Variants in TXNL4A observed in about 807,000 individuals in gnomAD.
TXNL4A encodes the protein thioredoxin like 4A.
TXNL4A carries 17 observed loss-of-function variants against 14.6 expected under a neutral mutation model. The observed-to-expected ratio is 1.16, with a 90% CI of 0.80 to 1.74. The LOEUF (loss-of-function observed/expected upper bound fraction) is 1.74. Ranked by LOEUF, TXNL4A falls within the 40% of genes most tolerant of loss-of-function variation. The pLI is 0.00. For synonymous variants in TXNL4A, 83 were observed against 70.6 expected (o/e 1.18, Z -0.88); for missense variants, 74 against 195.2 (o/e 0.38, Z 3.70).
chr18:79,992,876 T>TAAA (rs59567705), upstream of TXNL4A, among the ~76,000 whole-genome samples: 21,571 of 78,346 alleles, frequency 0.28, 4,396 homozygotes, highest in Non-Finnish European at 0.36. Flanking sequence ...TCATCTTATG[T>TAAA]AAAAAAAAAA....
At chr18:79,997,852 G>A (rs2051672898) in intron 1 of TXNL4A, among the ~76,000 whole-genome samples, 1 of 152,208 alleles carries the variant, frequency 6.6e-6, no homozygotes. Flanking sequence ...AGCGATGCTT[G>A]CTGCAAGTTA....
rs2051473345 is a variant in TXNL4A at position 79,982,109 on chromosome 18, G to A, written c.154-4408C>T. The stretch of plus-strand genomic sequence containing the variant: ...AACCCACAGGAGACGGGGCGGCAGT[G>A]TGGTCACGGGGTGGCAGGGAAATAT... On this transcript the variant is annotated intron_variant, in intron 1 of 2. Transcript: ENST00000269601. This position sits in a 1 kb window ranked among gnomAD's most constrained non-coding sequence, Gnocchi z 4.0. Among the ~76,000 whole-genome samples, 1 of 152,220 alleles carries A rather than the reference G, an allele frequency of 6.6e-6. No homozygotes were observed. The highest frequency in any genetic ancestry group is 2.4e-5 in the African/African-American group (1 of 41,444).
intron 1 of TXNL4A, among the ~76,000 whole-genome samples, chr18:80,033,484 A>T (rs374530451): frequency 2.0e-5 from 3 of 152,288 alleles, no homozygotes; most frequent in African/African-American, 7.2e-5. Flanking sequence ...GAGGACGCCC[A>T]ATCTGGGGAC....
chr18:80,015,494 A>G, intron 1 of TXNL4A, among the ~76,000 whole-genome samples: 1 of 151,580 alleles, frequency 6.6e-6, no homozygotes, highest in Non-Finnish European at 1.5e-5. Flanking sequence ...TATATCTCCT[A>G]ATGCTATCCC....
intron 1 of TXNL4A, among the ~76,000 whole-genome samples, chr18:80,029,321 C>T (rs1599759163): frequency 6.6e-6 from 1 of 152,112 alleles, no homozygotes; most frequent in East Asian, 1.9e-4. Flanking sequence ...AAAGGAAAGT[C>T]GCCCAGGGTC....
At position 79,988,418 on chromosome 18, in the gene TXNL4A, C is replaced by A; in HGVS notation, c.-26G>T. On this transcript the variant is annotated 5_prime_UTR_variant, in exon 1 of 3. Transcript: ENST00000269601. ...GGCGGCCCGCGCGCTCGCCGCCGCC[C>A]AAGGCGGGGCGCCAGGGAGGGCCCA... is the stretch of plus-strand genomic sequence containing the variant. 1.4e-6 allele frequency: 2 copies of A among 1,410,244 alleles called. No homozygotes were observed. The highest frequency in any genetic ancestry group is 1.9e-6 in the Non-Finnish European group (2 of 1,061,744). The allele number at this position is 1,410,244 out of a possible 1,614,324, so 87.4% of individuals were successfully genotyped here. A position where few individuals can be genotyped will look rare whatever the true frequency, so the allele number is the denominator to read the frequency against.
rs991919560 is a variant in TXNL4A, at chr18:79,973,745, G to A, written c.369C>T (p.Ala123=). Residue 123 remains alanine (A), a synonymous_variant, in exon 3 of 3, where the codon GCC becomes GCT. Transcript: ENST00000269601. Reference sequence around the variant, plus strand: ...ACACCACCAGGCCGCGGCCTTTGCGGGCCCCGCGGTACACCGTCTCGATGA... The same window carrying A: ...ACACCACCAGGCCGCGGCCTTTGCGAGCCCCGCGGTACACCGTCTCGATGA... ...VDIIETVYRG[A]RKGRGLVVSP... 1 of 1,614,048 alleles carries A rather than the reference G, an allele frequency of 6.2e-7. No individual in the cohort carries two copies. The highest frequency in any genetic ancestry group is 1.3e-5 in the African/African-American group (1 of 74,928).
intron 1 of TXNL4A, among the ~76,000 whole-genome samples, chr18:79,984,801 C>T (rs554908502): frequency 4.6e-5 from 7 of 152,226 alleles, no homozygotes; most frequent in East Asian, 3.9e-4. Context: ...ACTCTATTTG[C>T]GTGGGCTTTT....
At chr18:79,986,251 GT>G (rs1247482377) in intron 1 of TXNL4A, among the ~76,000 whole-genome samples, 1 of 152,120 alleles carries the variant, frequency 6.6e-6, no homozygotes, top group Non-Finnish European at 1.5e-5. Flanking sequence ...GTCCAGGCTG[GT>G]CTCGAATCCC....
At chr18:79,975,704 A>G (rs565618534) in intron 2 of TXNL4A, among the ~76,000 whole-genome samples, 282 of 152,338 alleles carry the variant, frequency 1.9e-3, no homozygotes, top group Non-Finnish European at 3.0e-3. Context: ...GGAAACGGAG[A>G]AAAGGGGACC....
intron 1 of TXNL4A, among the ~76,000 whole-genome samples, chr18:80,021,737 G>C (rs1448739153): frequency 6.6e-6 from 1 of 152,194 alleles, no homozygotes; most frequent in Non-Finnish European, 1.5e-5. Flanking sequence ...AGAAGGTTTT[G>C]TGCTTTTAAT....
At chr18:79,981,566 G>C (rs1288603903) in intron 1 of TXNL4A, among the ~76,000 whole-genome samples, 1 of 152,184 alleles carries the variant, frequency 6.6e-6, no homozygotes, top group Non-Finnish European at 1.5e-5. Context: ...CAGCTACTTG[G>C]GAGGCTGAGG....
chr18:79,978,611 C>A (rs1214602523), intron 1 of TXNL4A, among the ~76,000 whole-genome samples: 1 of 150,470 alleles, frequency 6.6e-6, no homozygotes, highest in Non-Finnish European at 1.5e-5. Context: ...CTCCCATCTC[C>A]GCCTCCCAAG....
chr18:80,018,962 T>G (rs1183230278), intron 1 of TXNL4A, among the ~76,000 whole-genome samples: 2 of 152,196 alleles, frequency 1.3e-5, no homozygotes, highest in Admixed American at 6.5e-5. Context: ...TCATCTGAAA[T>G]TACCTCAGCT....
intron 1 of TXNL4A, among the ~76,000 whole-genome samples, chr18:80,026,107 C>T (rs944687140): frequency 4.6e-5 from 7 of 152,112 alleles, no homozygotes; most frequent in Admixed American, 1.3e-4. Context: ...ATTTATTAAA[C>T]GGACTAGATG....
At position 80,018,182 on chromosome 18, in the gene TXNL4A, C is replaced by G. The variant is rs533982743; in HGVS notation, c.-61+15669G>C. Among the ~76,000 whole-genome samples the G allele has an allele frequency of 1.5e-3, 224 of 152,316 alleles. 2 individuals carry two copies. The highest frequency in any genetic ancestry group is 5.2e-3 in the African/African-American group (215 of 41,556). On this transcript the variant is annotated intron_variant, in intron 1 of 2. Transcript: ENST00000585474. ...AACTAGAACTCAGGATTAAGAAACT[C>G]ACTCAAAACTGCTCAACTATGTGGA...
At chr18:79,986,303 G>A (rs2145083910) in intron 1 of TXNL4A, among the ~76,000 whole-genome samples, 1 of 152,250 alleles carries the variant, frequency 6.6e-6, no homozygotes, top group African/African-American at 2.4e-5. Context: ...CCAAAGTGCT[G>A]GGATTACAGA....
rs2145090239 is a variant in TXNL4A, at chr18:79,988,417, C to A, written c.-25G>T. 1 of 1,412,804 alleles carries A rather than the reference C, an allele frequency of 7.1e-7. No homozygotes were observed. Among genetic ancestry groups the A allele is most frequent in the Non-Finnish European group, 9.4e-7 (1 of 1,062,772 alleles). 87.5% of individuals were successfully genotyped at this position (1,412,804 alleles called of 1,614,324 possible). A position where few individuals can be genotyped will look rare whatever the true frequency, so the allele number is the denominator to read the frequency against. The stretch of plus-strand genomic sequence containing the variant: ...TGGCGGCCCGCGCGCTCGCCGCCGC[C>A]CAAGGCGGGGCGCCAGGGAGGGCCC... On this transcript the variant is annotated 5_prime_UTR_variant, in exon 1 of 3. Coordinates refer to ENST00000269601, the MANE Select transcript of TXNL4A (RefSeq NM_006701.5).
At chr18:79,975,616 C>T (rs1258376054) in intron 2 of TXNL4A, among the ~76,000 whole-genome samples, 4 of 152,120 alleles carry the variant, frequency 2.6e-5, no homozygotes, top group Non-Finnish European at 5.9e-5. Flanking sequence ...TCTATTGCCT[C>T]GAACAGGCTG....
Sources: allele counts gnomAD v4.1 joint callset (sites outside exome capture counted in the v4.1 genomes callset), GRCh38; gene constraint gnomAD v4.1.1; non-coding constraint Gnocchi (gnomAD v3.1); transcripts MANE v1.5; gene names NCBI Gene and HGNC (gene_info 2026-07-23, HGNC 2026-07-21).